Variants in EYA4 observed in about 807,000 individuals in gnomAD.
EYA4 encodes the protein EYA transcriptional coactivator and phosphatase 4.
Under a neutral mutation model 87.9 loss-of-function variants are expected in EYA4, and 31 were observed. That is an observed-to-expected ratio of 0.35 (90% CI 0.27 to 0.48). EYA4 has a LOEUF of 0.48. Among genes scored for constraint, EYA4 ranks in the 20% least tolerant of loss-of-function variants. The pLI is 0.99. For synonymous variants in EYA4, 263 were observed against 270.6 expected (o/e 0.97, Z 0.28); for missense variants, 678 against 761.4 (o/e 0.89, Z 1.29).
rs763983145 is a variant in EYA4, at chr6:133,446,701, A to G, written c.155A>G (p.Lys52Arg). The change falls in exon 4 of 20, where the codon AAA (lysine) becomes AGA (arginine). Residue 52 changes from lysine to arginine, a missense_variant. Lys to Arg is a conservative substitution (Grantham distance 26). Transcript: ENST00000355286. ...VGGGDTPGSSKLEKSNLSSTS... is the reference protein window; with the variant it reads ...VGGGDTPGSSRLEKSNLSSTS... ...GGTGGTGATACTCCAGGTAGCTCCA[A>G]ACTGGAAAAATCTAATCTCAGCAGC... 2 of 1,613,942 alleles carry G rather than the reference A, an allele frequency of 1.2e-6. No homozygotes were observed. The highest frequency in any genetic ancestry group is 1.7e-6 in the Non-Finnish European group (2 of 1,179,964).
At chr6:133,434,267 A>C (rs1562415952) in intron 3 of EYA4, among the ~76,000 whole-genome samples, 1 of 152,220 alleles carries the variant, frequency 6.6e-6, no homozygotes, top group Non-Finnish European at 1.5e-5. Context: ...ATTTTCTTGG[A>C]CCAAAGTTTC....
At position 133,317,063 on chromosome 6, in the gene EYA4, G is replaced by C. The variant is rs535276252; in HGVS notation, c.33+42250G>C. 2.6e-5 allele frequency among the ~76,000 whole-genome samples: 4 copies of C among 152,296 alleles called. No homozygotes were observed. The South Asian group carries it at 8.3e-4, about 32-fold the overall frequency. The stretch of plus-strand genomic sequence containing the variant: ...GAAATGACAAAGAGAGACAGAAATA[G>C]AGGTTAGAGAGACAAGAGTCTACAC... On this transcript the variant is annotated intron_variant, in intron 2 of 19. Coordinates refer to ENST00000355286, the MANE Select transcript of EYA4 (RefSeq NM_004100.5).
In EYA4 at chr6:133,337,232, AC is replaced by A. The variant is rs1182879824; in HGVS notation, c.34-45159del. On this transcript the variant is annotated intron_variant, in intron 2 of 19. Coordinates refer to ENST00000355286, the MANE Select transcript of EYA4 (RefSeq NM_004100.5). ...ACTACACAGAATGGATGGCTGTGGA[AC>A]ACCAGTGAGGAGGCTATGCGGTAGA... Among the ~76,000 whole-genome samples, 3 of 152,292 alleles carry A rather than the reference AC, an allele frequency of 2.0e-5. No individual in the cohort carries two copies. In the East Asian group the frequency reaches 5.8e-4, roughly 29 times the overall value.
rs192131771 is a variant in EYA4 at position 133,344,788 on chromosome 6, A to T, written c.34-37604A>T. On this transcript the variant is annotated intron_variant, in intron 2 of 19. Coordinates refer to ENST00000355286, the MANE Select transcript of EYA4 (RefSeq NM_004100.5). ...ATACATATTCTTTTAATCATACCAAAGTTGCATCTTTTCATTTACTCATTC... is the reference window on the plus strand; with the variant it reads ...ATACATATTCTTTTAATCATACCAATGTTGCATCTTTTCATTTACTCATTC... Among the ~76,000 whole-genome samples the T allele has an allele frequency of 2.8e-3, 424 of 152,288 alleles. 2 individuals carry two copies. Among genetic ancestry groups the T allele is most frequent in the Middle Eastern group, 6.8e-3 (2 of 294 alleles).
intron 1 of EYA4, among the ~76,000 whole-genome samples, chr6:133,261,599 G>T (rs1314877754): frequency 6.6e-6 from 1 of 152,122 alleles, no homozygotes; most frequent in Non-Finnish European, 1.5e-5. Context: ...TCAGAGAATT[G>T]GTAAAAGACT....
intron 3 of EYA4, among the ~76,000 whole-genome samples, chr6:133,414,326 A>G (rs1789514907): frequency 6.6e-6 from 1 of 152,208 alleles, no homozygotes; most frequent in South Asian, 2.1e-4. Context: ...TTTCTCTGCC[A>G]ACAACCTTTG....
chr6:133,387,061 C>T (rs1202644286), intron 3 of EYA4, among the ~76,000 whole-genome samples: 1 of 152,106 alleles, frequency 6.6e-6, no homozygotes, highest in Non-Finnish European at 1.5e-5. Context: ...TTTAAAGAAG[C>T]ATTGGAATTA....
intron 2 of EYA4, among the ~76,000 whole-genome samples, chr6:133,354,474 C>T (rs758413298): frequency 3.3e-5 from 5 of 152,068 alleles, no homozygotes; most frequent in African/African-American, 4.8e-5. Flanking sequence ...CTGTGCTATA[C>T]GTTTAAGGTT....
chr6:133,459,005 T>C (rs554276642), intron 6 of EYA4, among the ~76,000 whole-genome samples: 2 of 152,272 alleles, frequency 1.3e-5, no homozygotes, highest in African/African-American at 4.8e-5. Context: ...GTACAAGATA[T>C]TCCAGAAACC....
intron 19 of EYA4, 22 bp from the exon 20 acceptor site, chr6:133,528,703 C>T (rs1800829172): frequency 1.9e-6 from 3 of 1,542,112 alleles, no homozygotes; most frequent in Non-Finnish European, 2.7e-6. Context: ...CTCTCCCATC[C>T]CTCCTTCTCC....
At chr6:133,416,081 A>AG (rs1379634986) in intron 3 of EYA4, among the ~76,000 whole-genome samples, 1 of 152,180 alleles carries the variant, frequency 6.6e-6, no homozygotes, top group Non-Finnish European at 1.5e-5. Context: ...TGCCTTGTAG[A>AG]GGACACTAAG....
chr6:133,257,053 G>A (rs1582763816), intron 1 of EYA4, among the ~76,000 whole-genome samples: 2 of 152,152 alleles, frequency 1.3e-5, no homozygotes, highest in East Asian at 3.9e-4. Flanking sequence ...GCTGCTTTGT[G>A]CCTTTCAGAA....
At chr6:133,440,038 C>T (rs534849508) in intron 3 of EYA4, among the ~76,000 whole-genome samples, 25 of 152,288 alleles carry the variant, frequency 1.6e-4, no homozygotes, top group Non-Finnish European at 3.2e-4. Context: ...CCAAGCCCTG[C>T]GCCATCTAAA....
chr6:133,486,732 A>G (rs770693005), intron 13 of EYA4, among the ~76,000 whole-genome samples: 2 of 152,168 alleles, frequency 1.3e-5, no homozygotes, highest in Non-Finnish European at 1.5e-5. Context: ...GTGGGTGCTG[A>G]TCTTCCAGTG....
intron 2 of EYA4, among the ~76,000 whole-genome samples, chr6:133,369,968 A>G (rs1269075299): frequency 1.3e-5 from 2 of 152,184 alleles, no homozygotes; most frequent in African/African-American, 4.8e-5. Flanking sequence ...TCATCTTACT[A>G]TAAACAGAAG....
rs577084735 is a variant in EYA4, at chr6:133,483,332, A to C, written c.1191+217A>C. 3.3e-5 allele frequency among the ~76,000 whole-genome samples: 5 copies of C among 152,316 alleles called. No individual in the cohort carries two copies. In the South Asian group the frequency reaches 1.0e-3, roughly 32 times the overall value. On this transcript the variant is annotated intron_variant, in intron 13 of 19. Coordinates refer to ENST00000355286, the MANE Select transcript of EYA4 (RefSeq NM_004100.5). ...ATTGAATTCCTTGCTATTTCTTCAA[A>C]AGGACTGAGTTTTCTACATCAAGAC...
chr6:133,259,989 T>C (rs1041514616), intron 1 of EYA4, among the ~76,000 whole-genome samples: 2 of 152,248 alleles, frequency 1.3e-5, no homozygotes, highest in Admixed American at 1.3e-4. Flanking sequence ...TCTAATTTGC[T>C]GTTTAGTTTG....
chr6:133,423,606 A>C (rs1286005515), intron 3 of EYA4, among the ~76,000 whole-genome samples: 3 of 152,226 alleles, frequency 2.0e-5, no homozygotes, highest in Non-Finnish European at 4.4e-5. Context: ...TTTAAAATAA[A>C]TTTTATTACA....
intron 2 of EYA4, among the ~76,000 whole-genome samples, chr6:133,356,094 C>T (rs1450185009): frequency 6.6e-6 from 1 of 151,728 alleles, no homozygotes; most frequent in African/African-American, 2.4e-5. Context: ...GAGTGTGCTC[C>T]TGCTTGCTAT....
Sources: gnomAD v4.1 joint callset for allele counts (sites outside exome capture counted in the v4.1 genomes callset) on GRCh38, gnomAD v4.1.1 for gene constraint, MANE v1.5 for transcripts, NCBI Gene and HGNC (gene_info 2026-07-23, HGNC 2026-07-21) for gene names.